MBNL2: variants seen among roughly 807,000 people sequenced by gnomAD.
MBNL2 encodes the protein muscleblind-like protein 2.
Under a neutral mutation model 41.9 loss-of-function variants are expected in MBNL2, and 17 were observed. The ratio of observed to expected loss-of-function variants is 0.41; its 90% CI spans 0.28 to 0.61. The LOEUF is 0.61. Among genes scored for constraint, MBNL2 ranks in the 20% least tolerant of loss-of-function variants. The pLI is 0.35. For synonymous variants in MBNL2, 195 were observed against 182.9 expected (o/e 1.07, Z -0.53); for missense variants, 336 against 505.6 (o/e 0.66, Z 3.22).
chr13:97,193,290 T>G, the MBNL2 span, among the ~76,000 whole-genome samples: 1 of 152,202 alleles, frequency 6.6e-6, no homozygotes, highest in African/African-American at 2.4e-5. Flanking sequence ...ATACCCTCTT[T>G]TAGTTGGATT....
In MBNL2 at chr13:97,366,691, G is replaced by T. The variant is rs1395903047; in HGVS notation, c.1048+1520G>T. 2 of 704,552 alleles carry T rather than the reference G, an allele frequency of 2.8e-6. No homozygotes were observed. Among genetic ancestry groups the T allele is most frequent in the Admixed American group, 4.3e-5 (2 of 46,854 alleles). The allele number at this position is 704,552 out of a possible 1,614,324, so 43.6% of individuals were successfully genotyped here. The stretch of plus-strand genomic sequence containing the variant: ...TATTTTTTTAATTAGTTTATAGCAA[G>T]CATTTACAGACAGGTTGCACTTATT... On this transcript the variant is annotated intron_variant, in intron 8 of 8. Coordinates refer to ENST00000679496, the MANE Select transcript of MBNL2 (RefSeq NM_001382683.1). This position sits in a 1 kb window ranked among gnomAD's most constrained non-coding sequence, Gnocchi z 4.7.
rs138377556 is a variant in MBNL2 at position 97,304,075 on chromosome 13, T to C, written c.174+27666T>C. Among the ~76,000 whole-genome samples, 798 of 152,334 alleles carry C rather than the reference T, an allele frequency of 5.2e-3. 10 individuals carry two copies. The highest frequency in any genetic ancestry group is 0.018 in the African/African-American group (761 of 41,584). ...GAAGTAACTGGGGAGGCAGAGTCCATCGTATGACTTGATACCAGTGTTTTC... is the reference window on the plus strand; with the variant it reads ...GAAGTAACTGGGGAGGCAGAGTCCACCGTATGACTTGATACCAGTGTTTTC... On this transcript the variant is annotated intron_variant, in intron 2 of 8. Coordinates refer to ENST00000679496, the MANE Select transcript of MBNL2 (RefSeq NM_001382683.1).
At chr13:97,164,916 A>T in the MBNL2 span, among the ~76,000 whole-genome samples, 1 of 152,126 alleles carries the variant, frequency 6.6e-6, no homozygotes, top group African/African-American at 2.4e-5. Flanking sequence ...TTAGAAAAAG[A>T]AAACAAGGCT....
chr13:97,193,918 C>T, the MBNL2 span, among the ~76,000 whole-genome samples: 1 of 152,228 alleles, frequency 6.6e-6, no homozygotes, highest in Non-Finnish European at 1.5e-5. Flanking sequence ...TTCTCTCTCG[C>T]TATGCTCCAG....
chr13:97,317,299 GGATAAAAT>G (rs1473708855), intron 2 of MBNL2, among the ~76,000 whole-genome samples: 1 of 152,126 alleles, frequency 6.6e-6, no homozygotes. Context: ...AAAACTGGGT[GGATAAAAT>G]GAACAAAATA....
rs767469984 is a variant in MBNL2, at chr13:97,369,798, A to G, written c.1048+4627A>G. Among the ~76,000 whole-genome samples the G allele has an allele frequency of 5.3e-5, 8 of 152,350 alleles. No homozygotes were observed. The South Asian group carries it at 6.2e-4, about 12-fold the overall frequency. On this transcript the variant is annotated intron_variant, in intron 8 of 8. Coordinates refer to ENST00000679496, the MANE Select transcript of MBNL2 (RefSeq NM_001382683.1). ...TTAGACTGGTGGTTTGAGATTAAAT[A>G]AAGACAGAATCCAAATATGTTTGGG...
At chr13:97,274,810 C>A (rs1411029396) in intron 1 of MBNL2, among the ~76,000 whole-genome samples, 4 of 152,172 alleles carry the variant, frequency 2.6e-5, no homozygotes, top group Non-Finnish European at 5.9e-5. Flanking sequence ...TCTGAACTTA[C>A]TGACTATATT....
chr13:97,173,299 A>C, the MBNL2 span, among the ~76,000 whole-genome samples: 3 of 152,250 alleles, frequency 2.0e-5, no homozygotes, highest in Non-Finnish European at 4.4e-5. Flanking sequence ...GGATAAAAAC[A>C]ACTGCTTATG....
chr13:97,294,757 T>C (rs923184458), intron 2 of MBNL2, among the ~76,000 whole-genome samples: 1 of 152,220 alleles, frequency 6.6e-6, no homozygotes, highest in African/African-American at 2.4e-5. Flanking sequence ...AAGGTCTTAC[T>C]TAAAGTTTCC....
intron 2 of MBNL2, among the ~76,000 whole-genome samples, chr13:97,311,928 T>C (rs2058649223): frequency 6.6e-6 from 1 of 152,236 alleles, no homozygotes; most frequent in Admixed American, 6.5e-5. Context: ...AGTCCTTTTT[T>C]GTGTTATTCT....
chr13:97,372,820 T>A (rs529339240), intron 8 of MBNL2, among the ~76,000 whole-genome samples: 58 of 152,324 alleles, frequency 3.8e-4, no homozygotes, highest in African/African-American at 1.4e-3. Context: ...AACCAAGAAG[T>A]CTAGAAAGGT....
chr13:97,339,627 TTTCTC>T (rs2061259207), intron 3 of MBNL2, among the ~76,000 whole-genome samples: 1 of 152,112 alleles, frequency 6.6e-6, no homozygotes, highest in Non-Finnish European at 1.5e-5. Flanking sequence ...GCCCTTCTCT[TTTCTC>T]AGCCGCCAGC....
At chr13:97,339,531 C>G (rs1432462264) in intron 3 of MBNL2, among the ~76,000 whole-genome samples, 1 of 152,118 alleles carries the variant, frequency 6.6e-6, no homozygotes, top group African/African-American at 2.4e-5. Flanking sequence ...GACAGCCTGG[C>G]AACAGCACTT....
the MBNL2 span, among the ~76,000 whole-genome samples, chr13:97,151,220 C>T: frequency 5.9e-5 from 9 of 152,042 alleles, no homozygotes; most frequent in East Asian, 1.2e-3. Context: ...CCAGGAATGG[C>T]GGTGGCAGAT....
the MBNL2 span, among the ~76,000 whole-genome samples, chr13:97,193,076 G>C: frequency 1.3e-5 from 2 of 152,194 alleles, no homozygotes; most frequent in Non-Finnish European, 2.9e-5. Flanking sequence ...GTTACATGGA[G>C]GACAAGAGCT....
At chr13:97,174,612 G>A in the MBNL2 span, among the ~76,000 whole-genome samples, 1 of 152,126 alleles carries the variant, frequency 6.6e-6, no homozygotes, top group African/African-American at 2.4e-5. Context: ...GACAAACTGA[G>A]GGATCAAAGG....
At chr13:97,192,756 A>G in the MBNL2 span, among the ~76,000 whole-genome samples, 1 of 152,250 alleles carries the variant, frequency 6.6e-6, no homozygotes, top group Non-Finnish European at 1.5e-5. Context: ...TTCGAAAAAC[A>G]TAGTATTAGC....
intron 3 of MBNL2, among the ~76,000 whole-genome samples, chr13:97,337,265 T>TGAA (rs1555316282): frequency 1.3e-5 from 2 of 152,182 alleles, no homozygotes; most frequent in Non-Finnish European, 2.9e-5. Flanking sequence ...CACCTTGATT[T>TGAA]GGGGGGTTCC....
chr13:97,371,593 G>A (rs2064387320), intron 8 of MBNL2, among the ~76,000 whole-genome samples: 2 of 151,994 alleles, frequency 1.3e-5, no homozygotes. Context: ...CTTGGCCACT[G>A]AAGGATTTTC....
Sources: allele counts gnomAD v4.1 joint callset (sites outside exome capture counted in the v4.1 genomes callset), GRCh38; gene constraint gnomAD v4.1.1; non-coding constraint Gnocchi (gnomAD v3.1); transcripts MANE v1.5; gene names NCBI Gene and HGNC (gene_info 2026-07-23, HGNC 2026-07-21).